The following CABIN1 variants were observed in gnomAD, a reference collection of about 807,000 sequenced individuals.
CABIN1 encodes the protein calcineurin binding protein 1.
Under a neutral mutation model 227.7 loss-of-function variants are expected in CABIN1, and 133 were observed. The ratio of observed to expected loss-of-function variants is 0.58; its 90% CI spans 0.51 to 0.67. The LOEUF (loss-of-function observed/expected upper bound fraction) is 0.67, where lower values mean the gene tolerates loss of function less well. CABIN1 is among the 30% of genes least tolerant of loss of function. The pLI is 0.00. For missense variants in CABIN1, 2,408 were observed against 2,852.5 expected, an observed-to-expected ratio of 0.84 and a Z score of 3.55; for synonymous variants, 1,086 against 1,155.1, an observed-to-expected ratio of 0.94 and a Z score of 1.21.
At chr22:24,013,730 A>G (rs1036761896) in intron 1 of CABIN1, among the ~76,000 whole-genome samples, 2 of 152,192 alleles carry the variant, frequency 1.3e-5, no homozygotes, top group Non-Finnish European at 1.5e-5. Context: ...ACCCTATCCA[A>G]GATCCCATGT....
intron 34 of CABIN1, chr22:24,175,802 A>G (rs2047070869): frequency 2.0e-6 from 1 of 495,208 alleles, no homozygotes; most frequent in Non-Finnish European, 3.7e-6. Context: ...CTGCCTTGTG[A>G]TGGGATCTTA....
At chr22:24,026,656 T>C (rs1020362496) in intron 1 of CABIN1, among the ~76,000 whole-genome samples, 3 of 152,238 alleles carry the variant, frequency 2.0e-5, no homozygotes, top group African/African-American at 7.2e-5. Flanking sequence ...TCTTTCTCCA[T>C]TGAATTGCCT....
rs1033566054 is a variant in CABIN1 at position 24,020,978 on chromosome 22, T to G, written c.-75+9611T>G. Among the ~76,000 whole-genome samples, 9 of 152,066 alleles carry G rather than the reference T, an allele frequency of 5.9e-5. 1 individual carries two copies. ...GATCAATCATCTGTCTCCTCATTTT[T>G]TCTCCACTTGATTTGTCTTTAAAAA... On this transcript the variant is annotated intron_variant, in intron 1 of 36. Transcript: ENST00000263119.
In CABIN1 at chr22:24,072,440, C is replaced by G. The variant is rs2040156737; in HGVS notation, c.2562C>G (p.Ile854Met). ...TACCCTGGATCATTCTACACCGGATCATCTGGCAGGAGGAAGACACCTTCC... is the reference window on the plus strand; with the variant it reads ...TACCCTGGATCATTCTACACCGGATGATCTGGCAGGAGGAAGACACCTTCC... ...SVLPWIILHR[I>M]IWQEEDTFHS... The change falls in exon 18 of 37, where the codon ATC (isoleucine) becomes ATG (methionine). Residue 854 changes from isoleucine (I) to methionine (M), a missense_variant. Physicochemically the swap from Ile to Met is conservative, Grantham distance 10. This residue lies in a region of CABIN1 where 1,045 missense variants were observed against 1,168.4 expected (regional missense o/e 0.89). Coordinates refer to ENST00000263119, the MANE Select transcript of CABIN1 (RefSeq NM_012295.4). 1.2e-6 allele frequency: 2 copies of G among 1,614,212 alleles called. No homozygotes were observed. The highest frequency in any genetic ancestry group is 4.5e-5 in the East Asian group (2 of 44,888).
At chr22:24,060,397 A>T (rs2039105502) in intron 12 of CABIN1, among the ~76,000 whole-genome samples, 1 of 152,078 alleles carries the variant, frequency 6.6e-6, no homozygotes, top group Admixed American at 6.5e-5. Flanking sequence ...CTGCCATGCC[A>T]GGGGAGCAGT....
intron 29 of CABIN1, among the ~76,000 whole-genome samples, chr22:24,148,709 C>A (rs2045304654): frequency 6.6e-6 from 1 of 152,224 alleles, no homozygotes; most frequent in Non-Finnish European, 1.5e-5. Context: ...GCCTTTCTGT[C>A]ATGCCCAAAT....
At chr22:24,167,600 C>G (rs998705004) in intron 32 of CABIN1, among the ~76,000 whole-genome samples, 7 of 152,248 alleles carry the variant, frequency 4.6e-5, no homozygotes, top group African/African-American at 7.2e-5. Context: ...TAGGGCATTT[C>G]CTTCAAGACT....
chr22:24,164,888 CAG>C (rs2046359911), intron 30 of CABIN1, among the ~76,000 whole-genome samples: 1 of 152,144 alleles, frequency 6.6e-6, no homozygotes. Context: ...GTAGGGAAAA[CAG>C]ATGTTCAGAA....
rs2044257423 is a variant in CABIN1, at chr22:24,134,289, C to T, written c.4633-13C>T. On this transcript the variant is annotated splice_polypyrimidine_tract_variant and intron_variant, in intron 28 of 36. Transcript: ENST00000263119. ...CCACACACTCACTTTCAACCTACTT[C>T]TTGTTTCCCCAGAACCTCCAGTGGG... 2.5e-6 allele frequency: 4 copies of T among 1,609,810 alleles called. No individual in the cohort carries two copies. In the African/African-American group the frequency reaches 5.3e-5, roughly 21 times the overall value.
Position 24,131,676 on chromosome 22 carries a change from T to A in CABIN1, c.4633-2626T>A, listed in dbSNP as rs1303865783. Among the ~76,000 whole-genome samples, 3 of 152,148 alleles carry A rather than the reference T, an allele frequency of 2.0e-5. No individual in the cohort carries two copies. In the East Asian group the frequency reaches 5.8e-4, roughly 29 times the overall value. On this transcript the variant is annotated intron_variant, in intron 28 of 36. Coordinates refer to ENST00000263119, the MANE Select transcript of CABIN1 (RefSeq NM_012295.4). ...AAACCACAGCCCAGGTATCACCTTC[T>A]CCCAGAGCCTCCCTGACCTTCTCAG...
intron 26 of CABIN1, among the ~76,000 whole-genome samples, chr22:24,112,794 G>T (rs777039112): frequency 6.6e-6 from 1 of 152,064 alleles, no homozygotes; most frequent in Non-Finnish European, 1.5e-5. Context: ...GCTGCAGTGG[G>T]TCTTCACCTG....
intron 23 of CABIN1, among the ~76,000 whole-genome samples, chr22:24,089,359 T>C (rs1480403127): frequency 6.6e-6 from 1 of 152,224 alleles, no homozygotes; most frequent in African/African-American, 2.4e-5. Context: ...TTTCCTCTAC[T>C]TAGGCTCATA....
At chr22:24,035,310 G>T (rs773309160) in intron 1 of CABIN1, 134 bp from the exon 2 acceptor site, 3 of 642,084 alleles carry the variant, frequency 4.7e-6, no homozygotes, top group Non-Finnish European at 8.4e-6. Flanking sequence ...AGACCACACC[G>T]CTGTCCCAAG....
intron 3 of CABIN1, among the ~76,000 whole-genome samples, chr22:24,037,196 G>T (rs1473890584): frequency 6.7e-6 from 1 of 149,830 alleles, no homozygotes. Context: ...GAAGGCAGAG[G>T]TTGCAGCGAG....
intron 32 of CABIN1, among the ~76,000 whole-genome samples, 172 bp from the exon 33 acceptor site, chr22:24,168,275 G>A (rs781018637): frequency 1.3e-5 from 2 of 152,366 alleles, no homozygotes; most frequent in Admixed American, 6.5e-5. Context: ...GTCTAGATGC[G>A]GACAGCAGTG....
intron 29 of CABIN1, among the ~76,000 whole-genome samples, chr22:24,139,259 A>G (rs1435938299): frequency 2.0e-5 from 3 of 152,134 alleles, no homozygotes. Flanking sequence ...ACAAAAACAG[A>G]TGTGTCGTGC....
intron 34 of CABIN1, 108 bp downstream of exon 34, chr22:24,172,103 C>T (rs553156071): frequency 1.5e-6 from 2 of 1,318,996 alleles, no homozygotes; most frequent in African/African-American, 1.5e-5. Flanking sequence ...TGCCCTCCCG[C>T]CCAGTCGATC....
chr22:24,019,116 TG>T (rs1484275083), intron 1 of CABIN1, among the ~76,000 whole-genome samples: 13 of 136,292 alleles, frequency 9.5e-5, no homozygotes, highest in African/African-American at 3.0e-4. Flanking sequence ...CTTCACTGAG[TG>T]TTGTTTTTTT....
chr22:24,046,844 G>T (rs1006014511), intron 6 of CABIN1, among the ~76,000 whole-genome samples: 5 of 152,074 alleles, frequency 3.3e-5, no homozygotes. Context: ...CAGTCTGTAG[G>T]CTGGCAGGCC....
Sources: allele counts gnomAD v4.1 joint callset (sites outside exome capture counted in the v4.1 genomes callset), GRCh38; gene constraint gnomAD v4.1.1; regional missense constraint gnomAD v4.1.1; transcripts MANE v1.5; gene names NCBI Gene and HGNC (gene_info 2026-07-23, HGNC 2026-07-21).